TECPR2: variants seen among roughly 807,000 people sequenced by gnomAD.
TECPR2 encodes the protein tectonin beta-propeller repeat containing 2.
Under a neutral mutation model 138.1 loss-of-function variants are expected in TECPR2, and 65 were observed. The observed-to-expected ratio is 0.47, with a 90% CI of 0.39 to 0.58. TECPR2 has a LOEUF of 0.58. Ranked by LOEUF, TECPR2 falls within the 20% of genes least tolerant of loss-of-function variation. The pLI is 0.00. For missense variants in TECPR2, 1,553 were observed against 1,824.5 expected (o/e 0.85, Z 2.71); for synonymous variants, 746 against 749.8 (o/e 0.99, Z 0.08).
intron 2 of TECPR2, among the ~76,000 whole-genome samples, chr14:102,379,883 T>C (rs1160654179): frequency 5.4e-5 from 7 of 128,556 alleles, no homozygotes; most frequent in Admixed American, 1.6e-4. Flanking sequence ...CACAGAGGCG[T>C]CCTAGTCACA....
intron 16 of TECPR2, among the ~76,000 whole-genome samples, chr14:102,458,976 T>C (rs897924412): frequency 6.7e-6 from 1 of 149,100 alleles, no homozygotes; most frequent in African/African-American, 2.5e-5. Context: ...CATATATATA[T>C]ATATATATAT....
chr14:102,439,066 G>A (rs913542412), intron 10 of TECPR2, among the ~76,000 whole-genome samples: 3 of 151,940 alleles, frequency 2.0e-5, no homozygotes, highest in African/African-American at 4.8e-5. Flanking sequence ...GGGTTTCACT[G>A]TGGTAGCCAG....
rs771585977 is a variant in TECPR2, at chr14:102,408,490, T to G, written c.351T>G (p.Leu117=). Residue 117 remains leucine, a splice_region_variant and synonymous_variant, in exon 4 of 20, where the codon CTT becomes CTG. Coordinates refer to ENST00000359520, the MANE Select transcript of TECPR2 (RefSeq NM_014844.5). ...VSSLPGRNKQ[L]RRFDVTGIHK... The stretch of plus-strand genomic sequence containing the variant: ...ATATTTTTATCCCTTGTTCATAGCT[T>G]CGGAGATTTGATGTCACTGGTATTC... 11 of 1,600,208 alleles carry G rather than the reference T, an allele frequency of 6.9e-6. No individual in the cohort carries two copies. Among genetic ancestry groups the G allele is most frequent in the Non-Finnish European group, 9.3e-6 (11 of 1,176,534 alleles).
rs4906197 is a variant in TECPR2, at chr14:102,425,309, A to G, written c.951+18A>G. 606,569 of 1,556,678 alleles carry G rather than the reference A, an allele frequency of 0.39. 120,540 individuals carry two copies. Among genetic ancestry groups the G allele is most frequent in the Middle Eastern group, 0.47 (2,700 of 5,772 alleles). On this transcript the variant is annotated intron_variant, in intron 6 of 19. Coordinates refer to ENST00000359520, the MANE Select transcript of TECPR2 (RefSeq NM_014844.5). ...TCAACCAGGTAAGTGAAGGGACGCC[A>G]CCATATCTTCTGTGTCTATAGGCAA...
At position 102,424,989 on chromosome 14, in the gene TECPR2, T is replaced by A; in HGVS notation, c.649T>A (p.Phe217Ile). 6.2e-7 allele frequency: 1 copy of A among 1,605,328 alleles called. No homozygotes were observed. The highest frequency in any genetic ancestry group is 8.5e-7 in the Non-Finnish European group (1 of 1,175,202). The stretch of plus-strand genomic sequence containing the variant: ...TTCTTCTAATTTTAGTACTGGGAAA[T>A]TTGGTGCTTGTTTTATACCAGGACT... The part of the protein sequence containing the change: ...GTQPRKSTGK[F>I]GACFIPGLCK... The change falls in exon 6 of 20, where the codon TTT (phenylalanine) becomes ATT (isoleucine). Residue 217 changes from phenylalanine to isoleucine, a missense_variant. Coordinates refer to ENST00000359520, the MANE Select transcript of TECPR2 (RefSeq NM_014844.5).
chr14:102,410,569 T>A (rs1888813351), intron 4 of TECPR2, among the ~76,000 whole-genome samples: 1 of 151,464 alleles, frequency 6.6e-6, no homozygotes, highest in Non-Finnish European at 1.5e-5. Context: ...TTTACCACTT[T>A]CCCTTCTCAG....
At chr14:102,441,474 C>T (rs1889828709) in intron 11 of TECPR2, among the ~76,000 whole-genome samples, 1 of 143,684 alleles carries the variant, frequency 7.0e-6, no homozygotes, top group Non-Finnish European at 1.5e-5. Context: ...GTCAGGAGTT[C>T]AAGACCAACC....
intron 1 of TECPR2, among the ~76,000 whole-genome samples, chr14:102,364,908 A>T (rs1290656470): frequency 6.6e-6 from 1 of 152,186 alleles, no homozygotes; most frequent in Non-Finnish European, 1.5e-5. Flanking sequence ...GCACGAAGAG[A>T]TTTCTAGATT....
At position 102,452,349 on chromosome 14, in the gene TECPR2, T is replaced by C. The variant is rs1190554; in HGVS notation, c.3407-45T>C. Reference sequence around the variant, plus strand: ...CCTTGTGCATTTAGGGCAGGCGGCTTGGTGCAGACAACACCTCGATGACAA... The same window carrying C: ...CCTTGTGCATTTAGGGCAGGCGGCTCGGTGCAGACAACACCTCGATGACAA... On this transcript the variant is annotated intron_variant, in intron 15 of 19. Coordinates refer to ENST00000359520, the MANE Select transcript of TECPR2 (RefSeq NM_014844.5). The C allele has an allele frequency of 0.66, 1,039,977 of 1,564,630 alleles. 348,001 individuals carry two copies. Among genetic ancestry groups the C allele is most frequent in the African/African-American group, 0.79 (58,665 of 74,226 alleles).
intron 16 of TECPR2, among the ~76,000 whole-genome samples, chr14:102,453,467 G>A (rs1890199571): frequency 6.6e-6 from 1 of 150,894 alleles, no homozygotes; most frequent in Non-Finnish European, 1.5e-5. Flanking sequence ...GCAACAGAGC[G>A]AGATTCTGTT....
At chr14:102,497,399 GCCAAC>G (rs1891313295) in intron 18 of TECPR2, 166 bp from the exon 19 acceptor site, 1 of 1,064,678 alleles carries the variant, frequency 9.4e-7, no homozygotes, top group Admixed American at 3.2e-5. Context: ...TGCTGGCCCT[GCCAAC>G]TGGTCGTCCT....
At chr14:102,409,578 C>T (rs140515681) in intron 4 of TECPR2, among the ~76,000 whole-genome samples, 6,047 of 152,186 alleles carry the variant, frequency 0.04, 132 homozygotes, top group Middle Eastern at 0.095. Context: ...GGATTACAGG[C>T]GTGAGCCACC....
At chr14:102,398,502 A>G (rs1404071832) in intron 2 of TECPR2, among the ~76,000 whole-genome samples, 1 of 152,172 alleles carries the variant, frequency 6.6e-6, no homozygotes, top group Non-Finnish European at 1.5e-5. Context: ...ACGACCTCCA[A>G]GTAAGATGAA....
chr14:102,403,169 T>G (rs570335174), intron 2 of TECPR2, among the ~76,000 whole-genome samples: 2 of 152,180 alleles, frequency 1.3e-5, no homozygotes, highest in Non-Finnish European at 2.9e-5. Flanking sequence ...AGCAGCATAT[T>G]AAAAGGATTA....
In TECPR2 at chr14:102,425,008, C is replaced by G; in HGVS notation, c.668C>G (p.Pro223Arg). The change falls in exon 6 of 20, where the codon CCA (proline) becomes CGA (arginine). Residue 223 changes from proline to arginine, a missense_variant. Pro to Arg is a moderately radical substitution (Grantham distance 103). Coordinates refer to ENST00000359520, the MANE Select transcript of TECPR2 (RefSeq NM_014844.5). Reference protein sequence around the residue: ...STGKFGACFIPGLCKQSDLTL... With the variant: ...STGKFGACFIRGLCKQSDLTL... ...GGGAAATTTGGTGCTTGTTTTATAC[C>G]AGGACTCTGTAAGCAAAGTGATCTA... 1 of 1,612,758 alleles carries G rather than the reference C, an allele frequency of 6.2e-7. No individual in the cohort carries two copies. Among genetic ancestry groups the G allele is most frequent in the Non-Finnish European group, 8.5e-7 (1 of 1,179,430 alleles).
intron 2 of TECPR2, among the ~76,000 whole-genome samples, chr14:102,406,359 T>C (rs1235789038): frequency 6.6e-6 from 1 of 151,402 alleles, no homozygotes; most frequent in Non-Finnish European, 1.5e-5. Flanking sequence ...CCATCCTGCC[T>C]AACACGGTGA....
chr14:102,463,083 G>T (rs980026004), intron 16 of TECPR2, among the ~76,000 whole-genome samples: 1 of 152,212 alleles, frequency 6.6e-6, no homozygotes, highest in Non-Finnish European at 1.5e-5. Context: ...ACGGCTGTGG[G>T]TGTGGAGCAC....
chr14:102,498,043 C>CTGTGCCCAAGCTCCCAGCTCCATT, intron 19 of TECPR2, 60 bp from the exon 20 acceptor site: 1 of 1,578,062 alleles, frequency 6.3e-7, no homozygotes, highest in Non-Finnish European at 8.6e-7. Context: ...CCAGCTCCAT[C>CTGTGCCCAAGCTCCCAGCTCCATT]TGTGCCCACC....
At chr14:102,439,913 C>T (rs1567342763) in intron 10 of TECPR2, among the ~76,000 whole-genome samples, 1 of 152,252 alleles carries the variant, frequency 6.6e-6, no homozygotes, top group Non-Finnish European at 1.5e-5. Flanking sequence ...ACAGTGAAAA[C>T]AGGCCAACTC....
Sources: allele counts gnomAD v4.1 joint callset (sites outside exome capture counted in the v4.1 genomes callset), GRCh38; gene constraint gnomAD v4.1.1; transcripts MANE v1.5; gene names NCBI Gene and HGNC (gene_info 2026-07-23, HGNC 2026-07-21).